NEK7: variants seen among roughly 807,000 people sequenced by gnomAD.
NEK7 encodes serine/threonine-protein kinase Nek7.
Under a neutral mutation model 44.6 loss-of-function variants are expected in NEK7, and 18 were observed. The ratio of observed to expected loss-of-function variants is 0.40; its 90% CI spans 0.28 to 0.60. The LOEUF is 0.60. NEK7 is among the 20% of genes least tolerant of loss of function. The pLI is 0.38. For missense variants in NEK7, 256 were observed against 366.5 expected, an observed-to-expected ratio of 0.70 and a Z score of 2.46; for synonymous variants, 130 against 121.1, an observed-to-expected ratio of 1.07 and a Z score of -0.48.
intron 1 of NEK7, among the ~76,000 whole-genome samples, chr1:198,176,474 G>T (rs1014112697): frequency 6.6e-6 from 1 of 152,120 alleles, no homozygotes; most frequent in African/African-American, 2.4e-5. Flanking sequence ...CCAGAGTATG[G>T]TACTTATGTG....
rs536892561 is a variant in NEK7 at position 198,217,861 on chromosome 1, C to T, written c.-28-14692C>T. ...GCTATAAAAAAAAAAAAAAAAGCCC[C>T]AAGCCTAGGAATATACTTAACCAAG... On this transcript the variant is annotated intron_variant, in intron 1 of 9. Transcript: ENST00000367385. 3.9e-4 allele frequency among the ~76,000 whole-genome samples: 57 copies of T among 144,428 alleles called. 1 individual carries two copies. Among genetic ancestry groups the T allele is most frequent in the African/African-American group, 1.4e-3 (56 of 39,546 alleles). 94.8% of individuals were successfully genotyped at this position (144,428 alleles called of 152,430 possible).
intron 9 of NEK7, among the ~76,000 whole-genome samples, chr1:198,310,483 A>G (rs1349173162): frequency 7.1e-6 from 1 of 140,912 alleles, no homozygotes; most frequent in Non-Finnish European, 1.5e-5. Context: ...TTTTGTTGCC[A>G]TTGCTTTTGG....
At chr1:198,245,563 GC>G (rs1473965268) in intron 2 of NEK7, among the ~76,000 whole-genome samples, 1 of 152,226 alleles carries the variant, frequency 6.6e-6, no homozygotes, top group African/African-American at 2.4e-5. Flanking sequence ...CAAGTGCAAT[GC>G]CATGGGCATG....
intron 1 of NEK7, among the ~76,000 whole-genome samples, chr1:198,176,558 C>T (rs1309540251): frequency 6.8e-6 from 1 of 147,980 alleles, no homozygotes; most frequent in African/African-American, 2.5e-5. Flanking sequence ...TTTAAGCAGG[C>T]TTATGACATA....
chr1:198,220,520 A>G (rs926748872), intron 1 of NEK7, among the ~76,000 whole-genome samples: 3 of 152,132 alleles, frequency 2.0e-5, no homozygotes, highest in Non-Finnish European at 2.9e-5. Context: ...CTCATTCATC[A>G]TAACACAGAA....
intron 5 of NEK7, among the ~76,000 whole-genome samples, chr1:198,265,503 G>A (rs1410667732): frequency 6.6e-6 from 1 of 152,090 alleles, no homozygotes; most frequent in Non-Finnish European, 1.5e-5. Flanking sequence ...CTGATGGGAG[G>A]CTGCTGACAT....
intron 5 of NEK7, among the ~76,000 whole-genome samples, chr1:198,266,499 C>A (rs192266163): frequency 6.6e-6 from 1 of 151,852 alleles, no homozygotes; most frequent in East Asian, 1.9e-4. Flanking sequence ...AAACTATATA[C>A]CTGCAGTTGT....
intron 9 of NEK7, among the ~76,000 whole-genome samples, chr1:198,304,498 T>G (rs1654973061): frequency 6.6e-6 from 1 of 152,146 alleles, no homozygotes; most frequent in African/African-American, 2.4e-5. Context: ...TGACATAACA[T>G]AATTGGTCTC....
intron 9 of NEK7, among the ~76,000 whole-genome samples, chr1:198,305,791 G>C (rs1260643465): frequency 6.6e-6 from 1 of 152,102 alleles, no homozygotes; most frequent in Non-Finnish European, 1.5e-5. Context: ...ATCAGAATTG[G>C]CCTATGAAAT....
chr1:198,275,149 AC>A (rs1653975892), intron 5 of NEK7, among the ~76,000 whole-genome samples: 1 of 151,502 alleles, frequency 6.6e-6, no homozygotes, highest in African/African-American at 2.4e-5. Context: ...TGGAAAAGTT[AC>A]TTTTAAAGTA....
intron 7 of NEK7, among the ~76,000 whole-genome samples, chr1:198,281,402 T>G (rs1376327500): frequency 6.6e-6 from 1 of 152,050 alleles, no homozygotes. Context: ...TGTTGATTCA[T>G]TTTTTAATTT....
rs556566783 is a variant in NEK7, at chr1:198,207,112, C to T, written c.-28-25441C>T. ...TCTTCTTTATCACTTGATGAATTGACGAAAATACAAATTCAGTAGGCAAAT... is the reference window on the plus strand; with the variant it reads ...TCTTCTTTATCACTTGATGAATTGATGAAAATACAAATTCAGTAGGCAAAT... On this transcript the variant is annotated intron_variant, in intron 1 of 9. Coordinates refer to ENST00000367385, the MANE Select transcript of NEK7 (RefSeq NM_133494.3). The T allele has an allele frequency of 8.6e-5, 13 of 151,928 alleles. No individual in the cohort carries two copies. The East Asian group carries it at 1.9e-3, about 23-fold the overall frequency. 9.4% of individuals were successfully genotyped at this position (151,928 alleles called of 1,614,324 possible).
chr1:198,310,869 T>C (rs1358779708), intron 9 of NEK7, among the ~76,000 whole-genome samples: 1 of 151,526 alleles, frequency 6.6e-6, no homozygotes, highest in Non-Finnish European at 1.5e-5. Flanking sequence ...AGTCAGGTAG[T>C]GTGATGCCTC....
At chr1:198,301,999 T>G (rs1343970293) in intron 9 of NEK7, among the ~76,000 whole-genome samples, 1 of 152,226 alleles carries the variant, frequency 6.6e-6, no homozygotes, top group Admixed American at 6.5e-5. Flanking sequence ...GATTAACGCT[T>G]TTTTAGGTGA....
chr1:198,313,207 C>T (rs1655245510), intron 9 of NEK7, among the ~76,000 whole-genome samples: 1 of 152,118 alleles, frequency 6.6e-6, no homozygotes, highest in Admixed American at 6.5e-5. Flanking sequence ...CCTTCTTTGT[C>T]TCTTTTGATC....
intron 1 of NEK7, among the ~76,000 whole-genome samples, chr1:198,206,337 T>C (rs764658855): frequency 1.3e-5 from 2 of 152,146 alleles, no homozygotes; most frequent in Non-Finnish European, 2.9e-5. Flanking sequence ...ATGTGCTCAT[T>C]TCGTTTTTGG....
intron 1 of NEK7, among the ~76,000 whole-genome samples, chr1:198,160,895 A>T (rs189352546): frequency 2.2e-3 from 335 of 152,184 alleles, no homozygotes; most frequent in Middle Eastern, 3.4e-3. Flanking sequence ...TTTTCACAAA[A>T]TTTTTTTTAT....
chr1:198,211,290 G>C (rs188139164), intron 1 of NEK7, among the ~76,000 whole-genome samples: 11 of 152,252 alleles, frequency 7.2e-5, no homozygotes, highest in Admixed American at 7.2e-4. Flanking sequence ...TCAGGAAACA[G>C]ATTCCAGAAC....
chr1:198,223,185 T>C (rs556809947), intron 1 of NEK7, among the ~76,000 whole-genome samples: 4 of 152,336 alleles, frequency 2.6e-5, no homozygotes, highest in African/African-American at 9.6e-5. Context: ...TAATTTGATT[T>C]ATGTTTTCAA....
Sources: gnomAD v4.1 joint callset for allele counts (sites outside exome capture counted in the v4.1 genomes callset) on GRCh38, gnomAD v4.1.1 for gene constraint, MANE v1.5 for transcripts, NCBI Gene and HGNC (gene_info 2026-07-23, HGNC 2026-07-21) for gene names.